Variants in CMTM8 observed in about 807,000 individuals in gnomAD.
CMTM8 encodes the protein CKLF-like MARVEL transmembrane domain-containing protein 8.
CMTM8 carries 12 observed loss-of-function variants against 18.6 expected under a neutral mutation model. The observed-to-expected ratio is 0.65, with a 90% CI of 0.41 to 1.05. CMTM8 has a LOEUF of 1.05. Among genes scored for constraint, CMTM8 ranks in the 50% least tolerant of loss-of-function variants. The probability of loss-of-function intolerance (pLI) is 0.00; values close to 1 mark genes in which losing one functional copy is unlikely to be tolerated. For synonymous variants in CMTM8, 87 were observed against 90.6 expected (o/e 0.96, Z 0.23); for missense variants, 217 against 227.2 (o/e 0.95, Z 0.29).
intron 1 of CMTM8, among the ~76,000 whole-genome samples, chr3:32,289,822 A>G (rs776880643): frequency 1.2e-4 from 19 of 152,212 alleles, no homozygotes; most frequent in Non-Finnish European, 2.8e-4. Flanking sequence ...GACAAGAATA[A>G]GAAATACAAG....
At chr3:32,267,923 G>A (rs1436897766) in intron 1 of CMTM8, among the ~76,000 whole-genome samples, 6 of 152,098 alleles carry the variant, frequency 3.9e-5, no homozygotes, top group African/African-American at 1.2e-4. Flanking sequence ...TTAGAATGGC[G>A]ATCATTAAAG....
intron 1 of CMTM8, among the ~76,000 whole-genome samples, chr3:32,258,064 A>G (rs771539117): frequency 5.9e-5 from 9 of 152,152 alleles, no homozygotes; most frequent in Non-Finnish European, 1.2e-4. Context: ...GGGGCTTTAA[A>G]TGTACTCTTT....
upstream of CMTM8, chr3:32,238,461 G>T (rs764009562): frequency 6.6e-6 from 1 of 152,368 alleles, no homozygotes; most frequent in African/African-American, 2.4e-5. Flanking sequence ...AAGGCCGGGA[G>T]GGGGAGCGGA....
At chr3:32,317,413 G>A (rs1032040372) in intron 1 of CMTM8, among the ~76,000 whole-genome samples, 4 of 152,150 alleles carry the variant, frequency 2.6e-5, no homozygotes, top group Non-Finnish European at 5.9e-5. Context: ...AAACATTAAT[G>A]TTGGAAGAAA....
At chr3:32,302,254 C>T (rs897838685) in intron 1 of CMTM8, among the ~76,000 whole-genome samples, 9 of 152,244 alleles carry the variant, frequency 5.9e-5, no homozygotes, top group African/African-American at 2.2e-4. Flanking sequence ...GCTATGATTG[C>T]ACCACTGCAC....
At chr3:32,295,410 T>A (rs1702855381) in intron 1 of CMTM8, among the ~76,000 whole-genome samples, 1 of 122,914 alleles carries the variant, frequency 8.1e-6, no homozygotes, top group Non-Finnish European at 1.6e-5. Context: ...AAGCCAAGAT[T>A]GCAACACTGT....
At chr3:32,361,286 G>GTTTGTTTT (rs140270969) in intron 2 of CMTM8, among the ~76,000 whole-genome samples, 17 of 87,268 alleles carry the variant, frequency 1.9e-4, no homozygotes, top group East Asian at 8.5e-4. Flanking sequence ...CAGCCTAAGA[G>GTTTGTTTT]TTTTTTTTTC....
chr3:32,352,226 A>G (rs1302674300), intron 1 of CMTM8, among the ~76,000 whole-genome samples: 2 of 151,922 alleles, frequency 1.3e-5, no homozygotes, highest in Non-Finnish European at 2.9e-5. Flanking sequence ...AAAGAAAAAA[A>G]ACTATCAAGA....
chr3:32,299,247 C>T (rs1359612196), intron 1 of CMTM8, among the ~76,000 whole-genome samples: 3 of 152,094 alleles, frequency 2.0e-5, no homozygotes, highest in African/African-American at 7.2e-5. Context: ...CTTCCTTCTA[C>T]TCCTTCCTTT....
At chr3:32,242,623 T>C (rs34650158) in intron 1 of CMTM8, among the ~76,000 whole-genome samples, 32,531 of 152,130 alleles carry the variant, frequency 0.21, 4,164 homozygotes, top group East Asian at 0.44. Context: ...CCACTGCACC[T>C]GGCTGTAAAA....
chr3:32,265,214 C>T (rs899027162), intron 1 of CMTM8, among the ~76,000 whole-genome samples: 5 of 152,200 alleles, frequency 3.3e-5, no homozygotes, highest in Non-Finnish European at 5.9e-5. Context: ...TAAAGCACTC[C>T]TCAGCAAATG....
chr3:32,280,670 A>G (rs542410738), intron 1 of CMTM8, among the ~76,000 whole-genome samples: 8 of 152,020 alleles, frequency 5.3e-5, no homozygotes, highest in South Asian at 4.2e-4. Context: ...GTTTTGTCCA[A>G]TTCTTTGCTC....
chr3:32,315,848 T>C (rs1695917435), intron 1 of CMTM8, among the ~76,000 whole-genome samples: 1 of 152,118 alleles, frequency 6.6e-6, no homozygotes, highest in African/African-American at 2.4e-5. Flanking sequence ...AACCTATATT[T>C]TATTTCTTTT....
chr3:32,309,923 A>G (rs887775305), intron 1 of CMTM8, among the ~76,000 whole-genome samples: 3 of 152,198 alleles, frequency 2.0e-5, no homozygotes, highest in African/African-American at 4.8e-5. Flanking sequence ...CAGGCATCAG[A>G]TGACTGAGTT....
chr3:32,276,340 T>C (rs185281722), intron 1 of CMTM8, among the ~76,000 whole-genome samples: 32 of 152,344 alleles, frequency 2.1e-4, no homozygotes, highest in African/African-American at 7.7e-4. Context: ...CAGTGGGCCT[T>C]ATAAACAGGA....
Position 32,348,981 on chromosome 3 carries a change from T to C in CMTM8, c.148-8392T>C, listed in dbSNP as rs1401572071. Reference sequence around the variant, plus strand: ...TCCATTTTTAATTTAAAAAACTATTTTTGTTTTGAAGGACTATTTTTATGT... The same window carrying C: ...TCCATTTTTAATTTAAAAAACTATTCTTGTTTTGAAGGACTATTTTTATGT... On this transcript the variant is annotated intron_variant, in intron 1 of 3. Coordinates refer to ENST00000307526, the MANE Select transcript of CMTM8 (RefSeq NM_178868.5). 3.3e-5 allele frequency among the ~76,000 whole-genome samples: 5 copies of C among 152,026 alleles called. No homozygotes were observed. In the South Asian group the frequency reaches 1.0e-3, roughly 32 times the overall value.
chr3:32,245,843 A>G (rs1575143673), intron 1 of CMTM8, among the ~76,000 whole-genome samples: 1 of 152,258 alleles, frequency 6.6e-6, no homozygotes, highest in South Asian at 2.1e-4. Flanking sequence ...TCTGTCCCCC[A>G]GGCTGGAGTG....
chr3:32,316,355 A>C lies in CMTM8; in HGVS notation c.148-41018A>C, dbSNP rs533376611. On this transcript the variant is annotated intron_variant, in intron 1 of 3. Coordinates refer to ENST00000307526, the MANE Select transcript of CMTM8 (RefSeq NM_178868.5). ...TCCACCTTTTTACTTTCTCAAGTCCATTCACTAGTTAAGCAGATTTGATGA... is the reference window on the plus strand; with the variant it reads ...TCCACCTTTTTACTTTCTCAAGTCCCTTCACTAGTTAAGCAGATTTGATGA... Among the ~76,000 whole-genome samples, 143 of 152,226 alleles carry C rather than the reference A, an allele frequency of 9.4e-4. 1 individual carries two copies. The highest frequency in any genetic ancestry group is 3.3e-3 in the African/African-American group (139 of 41,534).
chr3:32,346,814 C>CTTTTTTT (rs34230571), intron 1 of CMTM8, among the ~76,000 whole-genome samples: 1 of 131,458 alleles, frequency 7.6e-6, no homozygotes, highest in African/African-American at 2.7e-5. Context: ...TGTTATAATT[C>CTTTTTTT]TTTTTTTTTT....
Sources: gnomAD v4.1 joint callset for allele counts (sites outside exome capture counted in the v4.1 genomes callset) on GRCh38, gnomAD v4.1.1 for gene constraint, MANE v1.5 for transcripts, NCBI Gene and HGNC (gene_info 2026-07-23, HGNC 2026-07-21) for gene names.